The following EZH2 variants were observed in gnomAD, a reference collection of about 807,000 sequenced individuals.
EZH2 encodes histone-lysine N-methyltransferase EZH2.
In EZH2, 18 loss-of-function variants were observed where a neutral mutation model predicts 98.4. The ratio of observed to expected loss-of-function variants is 0.18; its 90% CI spans 0.13 to 0.27. The LOEUF is 0.27. EZH2 is among the 10% of genes least tolerant of loss of function. The probability of loss-of-function intolerance (pLI) is 1.00; values close to 1 mark genes in which losing one functional copy is unlikely to be tolerated. For missense variants in EZH2, 470 were observed against 935.1 expected (o/e 0.50, Z 6.49); for synonymous variants, 338 against 312.3 (o/e 1.08, Z -0.87).
chr7:148,814,188 T>A, intron 14 of EZH2, 51 bp from the exon 15 acceptor site: 7 of 1,571,034 alleles, frequency 4.5e-6, no homozygotes, highest in Non-Finnish European at 6.1e-6. Flanking sequence ...TGCAAAAACT[T>A]GCAGAAAGAT....
chr7:148,810,196 A>G, intron 17 of EZH2, 137 bp downstream of exon 17: 1 of 546,950 alleles, frequency 1.8e-6, no homozygotes. Context: ...CTTTCAAGCA[A>G]GCAGCCCCCC....
At chr7:148,882,373 G>A (rs1267875204) in intron 1 of EZH2, among the ~76,000 whole-genome samples, 3 of 152,196 alleles carry the variant, frequency 2.0e-5, no homozygotes, top group Non-Finnish European at 4.4e-5. Context: ...AATTTAAGAT[G>A]CAGTGTTCCT....
intron 1 of EZH2, among the ~76,000 whole-genome samples, chr7:148,866,718 ATT>A (rs1317103990): frequency 6.8e-6 from 1 of 146,952 alleles, no homozygotes; most frequent in Non-Finnish European, 1.5e-5. Context: ...ATATATATAT[ATT>A]TATTCCTTTT....
At chr7:148,876,582 G>C (rs1820197656) in intron 1 of EZH2, among the ~76,000 whole-genome samples, 1 of 150,104 alleles carries the variant, frequency 6.7e-6, no homozygotes, top group East Asian at 2.0e-4. Flanking sequence ...AATGTTCAAA[G>C]ATACATAAGG....
chr7:148,835,288 T>C (rs2129479576), intron 3 of EZH2, among the ~76,000 whole-genome samples: 1 of 151,878 alleles, frequency 6.6e-6, no homozygotes, highest in East Asian at 1.9e-4. Flanking sequence ...CCCAGCAAGG[T>C]AGCACGTGCC....
intron 12 of EZH2, 56 bp from the exon 13 acceptor site, chr7:148,815,602 C>A: frequency 2.0e-6 from 3 of 1,476,134 alleles, no homozygotes; most frequent in African/African-American, 1.4e-5. Flanking sequence ...ACAAATCCAA[C>A]AGAGAGCTGC....
intron 1 of EZH2, among the ~76,000 whole-genome samples, chr7:148,847,799 C>G (rs1814553814): frequency 6.6e-6 from 1 of 152,152 alleles, no homozygotes; most frequent in Non-Finnish European, 1.5e-5. Context: ...ATAAAATGTA[C>G]AAAGGTACTC....
intron 3 of EZH2, among the ~76,000 whole-genome samples, chr7:148,838,513 A>G (rs1323289463): frequency 2.0e-5 from 3 of 152,224 alleles, no homozygotes; most frequent in Non-Finnish European, 4.4e-5. Context: ...CACTCAAAAA[A>G]GTACATGAAG....
intron 1 of EZH2, among the ~76,000 whole-genome samples, chr7:148,853,850 G>C (rs1218112531): frequency 6.6e-6 from 1 of 152,140 alleles, no homozygotes; most frequent in Non-Finnish European, 1.5e-5. Context: ...TGGAAGATGG[G>C]CTCTCATAGC....
intron 1 of EZH2, among the ~76,000 whole-genome samples, chr7:148,851,921 A>T (rs1815882839): frequency 6.6e-6 from 1 of 152,244 alleles, no homozygotes; most frequent in African/African-American, 2.4e-5. Flanking sequence ...ATATTGGCAG[A>T]AGCCTTTATT....
intron 15 of EZH2, among the ~76,000 whole-genome samples, chr7:148,813,052 TACACACACACACACACACACAC>T (rs142835355): frequency 2.3e-5 from 3 of 132,108 alleles, no homozygotes; most frequent in South Asian, 2.4e-4. Context: ...ACACCCCACA[TACACACACACACACACACACAC>T]ACACACACAC....
intron 11 of EZH2, 68 bp from the exon 12 acceptor site, chr7:148,816,846 G>A: frequency 9.0e-7 from 1 of 1,108,068 alleles, no homozygotes; most frequent in South Asian, 1.3e-5. Context: ...TTATACTCAT[G>A]CATACCAGAA....
chr7:148,834,692 A>G (rs1329234207), intron 3 of EZH2, among the ~76,000 whole-genome samples: 1 of 152,184 alleles, frequency 6.6e-6, no homozygotes, highest in Non-Finnish European at 1.5e-5. Context: ...ACTCGAGTAA[A>G]CAAGAAGGTG....
At chr7:148,864,162 TTCCACAACAGTAAGATCACTTTCC>T (rs1818101399) in intron 1 of EZH2, among the ~76,000 whole-genome samples, 1 of 152,172 alleles carries the variant, frequency 6.6e-6, no homozygotes, top group African/African-American at 2.4e-5. Context: ...GTGATATATT[TTCCACAACAGTAAGATCACTTTCC>T]TCCTTCCAGC....
rs1302487044 is a variant in EZH2, at chr7:148,847,293, G to A, written c.6C>T (p.Gly2=). Residue 2 remains glycine, a synonymous_variant, in exon 2 of 20, where the codon GGC becomes GGT. Transcript: ENST00000320356. ...CCTTCTCAGATTTCTTCCCAGTCTG[G>A]CCCATGATTATTCTAAAAGCAATGG... M[G]QTGKKSEKGP... is the part of the protein sequence containing the mutation. 1 of 1,613,198 alleles carries A rather than the reference G, an allele frequency of 6.2e-7. No homozygotes were observed.
At chr7:148,863,417 C>T (rs984441930) in intron 1 of EZH2, among the ~76,000 whole-genome samples, 3 of 152,120 alleles carry the variant, frequency 2.0e-5, no homozygotes, top group Non-Finnish European at 2.9e-5. Context: ...TATGTCAGTG[C>T]CAAATTAAGA....
chr7:148,874,165 C>T lies in EZH2; in HGVS notation c.-8+9999G>A, dbSNP rs116787988. Among the ~76,000 whole-genome samples the T allele has an allele frequency of 8.5e-3, 1,300 of 152,272 alleles. 30 individuals are homozygous for T. The highest frequency in any genetic ancestry group is 0.03 in the African/African-American group (1,246 of 41,550). On this transcript the variant is annotated intron_variant, in intron 1 of 19. Transcript: ENST00000320356. Reference sequence around the variant, plus strand: ...CTTTGGGAGGCCAAGATGGGAACATCGCTTGAGCTCAGGAATCTTGAGACC... The same window carrying T: ...CTTTGGGAGGCCAAGATGGGAACATTGCTTGAGCTCAGGAATCTTGAGACC...
chr7:148,819,657 C>T lies in EZH2; in HGVS notation c.938G>A (p.Arg313Gln). 6.2e-7 allele frequency: 1 copy of T among 1,614,006 alleles called. No homozygotes were observed. The highest frequency in any genetic ancestry group is 8.5e-7 in the Non-Finnish European group (1 of 1,179,950). ...GTCTAGAGCTGTTTCTGTGTTCTTC[C>T]GCTTATAAGTGTTGGGTGTTGCATG... ...SFHATPNTYK[R>Q]KNTETALDNK... The change falls in exon 9 of 20, where the codon CGG becomes CAG. Residue 313 changes from arginine to glutamine, a missense_variant. By Grantham distance (43) the Arg-to-Gln change is conservative. Transcript: ENST00000320356.
intron 1 of EZH2, among the ~76,000 whole-genome samples, chr7:148,861,371 C>A (rs1817642495): frequency 6.6e-6 from 1 of 151,876 alleles, no homozygotes; most frequent in African/African-American, 2.4e-5. Context: ...GGATTACAGG[C>A]ACACACTACC....
Sources: gnomAD v4.1 joint callset for allele counts (sites outside exome capture counted in the v4.1 genomes callset) on GRCh38, gnomAD v4.1.1 for gene constraint, MANE v1.5 for transcripts, NCBI Gene and HGNC (gene_info 2026-07-23, HGNC 2026-07-21) for gene names.